Variants in PDGFB observed in about 807,000 individuals in gnomAD.
PDGFB encodes platelet-derived growth factor subunit B.
PDGFB carries 6 observed loss-of-function variants against 29.0 expected under a neutral mutation model. The observed-to-expected ratio is 0.21, with a 90% CI of 0.11 to 0.41. The LOEUF (loss-of-function observed/expected upper bound fraction) is 0.41, where lower values mean the gene tolerates loss of function less well. Ranked by LOEUF, PDGFB falls within the 10% of genes least tolerant of loss-of-function variation. The probability of loss-of-function intolerance (pLI) is 1.00; values close to 1 mark genes in which losing one functional copy is unlikely to be tolerated. For synonymous variants in PDGFB, 144 were observed against 140.8 expected, an observed-to-expected ratio of 1.02 and a Z score of -0.16; for missense variants, 299 against 341.8, an observed-to-expected ratio of 0.87 and a Z score of 0.99.
Position 39,243,274 on chromosome 22 carries a change from TTCTCTC to T in PDGFB, c.63+621_63+626del, listed in dbSNP as rs767228828. Among the ~76,000 whole-genome samples the T allele has an allele frequency of 0.016, 991 of 60,764 alleles. 8 individuals are homozygous for T. Among genetic ancestry groups the T allele is most frequent in the African/African-American group, 0.039 (963 of 24,760 alleles). 39.9% of individuals were successfully genotyped at this position (60,764 alleles called of 152,430 possible). On this transcript the variant is annotated intron_variant, in intron 1 of 6. Transcript: ENST00000331163. The surrounding 1 kb of genome is among the most constrained non-coding windows in gnomAD (Gnocchi z 6.4). ...TCCGTCTCTCTCTCTCTCTCTCTCT[TTCTCTC>T]TCTCTCTCTCTCTCTCCCTGTTACT...
intron 5 of PDGFB, among the ~76,000 whole-genome samples, chr22:39,227,071 G>A (rs1406663031): frequency 6.6e-6 from 1 of 152,262 alleles, no homozygotes; most frequent in African/African-American, 2.4e-5. Flanking sequence ...TGATTCTCCT[G>A]CCTCAGCCTC....
At position 39,223,701 on chromosome 22, in the gene PDGFB, GTTAT is replaced by G. The variant is rs1006685000; in HGVS notation, c.*1637_*1640del. The G allele has an allele frequency of 6.5e-6, 1 of 152,726 alleles. No homozygotes were observed. Among genetic ancestry groups the G allele is most frequent in the Non-Finnish European group, 1.5e-5 (1 of 68,040 alleles). 9.5% of individuals were successfully genotyped at this position (152,726 alleles called of 1,614,324 possible). A position where few individuals can be genotyped will look rare whatever the true frequency, so the allele number is the denominator to read the frequency against. ...CGGATTCATTTGGTTTTGTTTTGTGGTTATTTTTTTTTACAACTTTAAATACGGA... is the reference window on the plus strand; with the variant it reads ...CGGATTCATTTGGTTTTGTTTTGTGGTTTTTTTTACAACTTTAAATACGGA... On this transcript the variant is annotated 3_prime_UTR_variant, in exon 7 of 7. Transcript: ENST00000331163.
chr22:39,229,740 T>G (rs1412973983), intron 5 of PDGFB, among the ~76,000 whole-genome samples: 1 of 152,166 alleles, frequency 6.6e-6, no homozygotes, highest in Non-Finnish European at 1.5e-5. Context: ...GAGAAGGAGC[T>G]AGGCTTGTGG....
chr22:39,227,617 G>C (rs562436742), intron 5 of PDGFB, among the ~76,000 whole-genome samples: 1 of 152,294 alleles, frequency 6.6e-6, no homozygotes, highest in East Asian at 1.9e-4. Flanking sequence ...TGAACTCAGG[G>C]ATCTGCCTCT....
In PDGFB at chr22:39,243,434, C is replaced by T. The variant is rs963113593; in HGVS notation, c.63+467G>A. Among the ~76,000 whole-genome samples the T allele has an allele frequency of 2.0e-5, 3 of 152,104 alleles. No individual in the cohort carries two copies. The highest frequency in any genetic ancestry group is 4.4e-5 in the Non-Finnish European group (3 of 68,008). On this transcript the variant is annotated intron_variant, in intron 1 of 6. Transcript: ENST00000331163. This position sits in a 1 kb window ranked among gnomAD's most constrained non-coding sequence, Gnocchi z 6.4. ...GGGAGCCAGGGTGGGACCCGAGCCC[C>T]GTCAAAGGTCGGCGTGGATGGCACC...
Position 39,224,446 on chromosome 22 carries a change from G to A in PDGFB, c.*896C>T, listed in dbSNP as rs982480418. The A allele has an allele frequency of 6.5e-6, 1 of 152,690 alleles. No individual in the cohort carries two copies. The highest frequency in any genetic ancestry group is 6.5e-5 in the Admixed American group (1 of 15,270). 9.5% of individuals were successfully genotyped at this position (152,690 alleles called of 1,614,324 possible). Reference sequence around the variant, plus strand: ...GCCTCTAGTCTTCTGCCCTAGAGAGGAGTGACTGGGATCATCTGGGGCCTT... The same window carrying A: ...GCCTCTAGTCTTCTGCCCTAGAGAGAAGTGACTGGGATCATCTGGGGCCTT... On this transcript the variant is annotated 3_prime_UTR_variant, in exon 7 of 7. Coordinates refer to ENST00000331163, the MANE Select transcript of PDGFB (RefSeq NM_002608.4).
At position 39,244,531 on chromosome 22, in the gene PDGFB, G is replaced by A; in HGVS notation, c.-568C>T. 1 of 168,932 alleles carries A rather than the reference G, an allele frequency of 5.9e-6. No homozygotes were observed. The highest frequency in any genetic ancestry group is 1.3e-5 in the Non-Finnish European group (1 of 77,590). 10.5% of individuals were successfully genotyped at this position (168,932 alleles called of 1,614,324 possible). Reference sequence around the variant, plus strand: ...CTCGAGCACCCGGGCAGGGAGAGGTGCAAACTCCCGCCCGGGCCGGGTAGG... The same window carrying A: ...CTCGAGCACCCGGGCAGGGAGAGGTACAAACTCCCGCCCGGGCCGGGTAGG... On this transcript the variant is annotated 5_prime_UTR_variant, in exon 1 of 7. Transcript: ENST00000331163. This position sits in a 1 kb window ranked among gnomAD's most constrained non-coding sequence, Gnocchi z 4.5.
At chr22:39,240,885 G>A in intron 1 of PDGFB, 1 of 1,611,688 alleles carries the variant, frequency 6.2e-7, no homozygotes, top group South Asian at 1.1e-5. Flanking sequence ...CACCATTCCT[G>A]CTCAGTCAGT....
chr22:39,236,243 T>C (rs1298531603), intron 1 of PDGFB, among the ~76,000 whole-genome samples: 3 of 152,190 alleles, frequency 2.0e-5, no homozygotes, highest in African/African-American at 7.2e-5. Flanking sequence ...ACAGCCAGCA[T>C]CTCCCATGGC....
chr22:39,240,474 G>A (rs2146453633), intron 1 of PDGFB, among the ~76,000 whole-genome samples: 1 of 151,766 alleles, frequency 6.6e-6, no homozygotes, highest in South Asian at 2.1e-4. Flanking sequence ...TCCCAAGACA[G>A]AGGAGAGACA....
chr22:39,225,584 G>C (rs376341574), intron 6 of PDGFB, 111 bp downstream of exon 6: 2 of 1,101,702 alleles, frequency 1.8e-6, no homozygotes, highest in Non-Finnish European at 2.5e-6. Flanking sequence ...GGAGGACCAA[G>C]GCTCAGAGGC....
At chr22:39,240,156 G>A (rs1932533586) in intron 1 of PDGFB, among the ~76,000 whole-genome samples, 1 of 152,124 alleles carries the variant, frequency 6.6e-6, no homozygotes, top group South Asian at 2.1e-4. Flanking sequence ...CCTTCACGTG[G>A]GCCCAGAACC....
chr22:39,242,279 G>C lies in PDGFB; in HGVS notation c.63+1622C>G, dbSNP rs912848092. On this transcript the variant is annotated intron_variant, in intron 1 of 6. Transcript: ENST00000331163. This position sits in a 1 kb window ranked among gnomAD's most constrained non-coding sequence, Gnocchi z 5.7. ...CGGAGCGCAGCATCGCCTCCGGCCA[G>C]GAGTGTGCATGCGTGGGGTGAGTGA... 1.4e-5 allele frequency: 3 copies of C among 211,536 alleles called. No homozygotes were observed. Among genetic ancestry groups the C allele is most frequent in the African/African-American group, 6.8e-5 (3 of 44,144 alleles). The allele number at this position is 211,536 out of a possible 1,614,324, so 13.1% of individuals were successfully genotyped here. A position where few individuals can be genotyped will look rare whatever the true frequency, so the allele number is the denominator to read the frequency against.
intron 1 of PDGFB, among the ~76,000 whole-genome samples, chr22:39,238,764 C>A (rs1314176722): frequency 6.6e-6 from 1 of 152,260 alleles, no homozygotes; most frequent in African/African-American, 2.4e-5. Flanking sequence ...GCTCTTTACT[C>A]TGCAGCATGT....
chr22:39,240,722 C>T, intron 1 of PDGFB: 4 of 1,055,388 alleles, frequency 3.8e-6, no homozygotes, highest in Non-Finnish European at 4.4e-6. Flanking sequence ...GAGGAAAGCT[C>T]TCTAATGGGG....
Position 39,244,356 on chromosome 22 carries a change from C to G in PDGFB, c.-393G>C, listed in dbSNP as rs1453607236. Reference sequence around the variant, plus strand: ...CAGTCGATGGTTCGTCTTCACTCGCCGGCTACAGGCGTTTTCCTCTGCCCG... The same window carrying G: ...CAGTCGATGGTTCGTCTTCACTCGCGGGCTACAGGCGTTTTCCTCTGCCCG... On this transcript the variant is annotated 5_prime_UTR_variant, in exon 1 of 7. Coordinates refer to ENST00000331163, the MANE Select transcript of PDGFB (RefSeq NM_002608.4). This position sits in a 1 kb window ranked among gnomAD's most constrained non-coding sequence, Gnocchi z 4.5. 5.1e-6 allele frequency: 1 copy of G among 196,418 alleles called. No individual in the cohort carries two copies. The highest frequency in any genetic ancestry group is 6.1e-5 in the Admixed American group (1 of 16,354). 12.2% of individuals were successfully genotyped at this position (196,418 alleles called of 1,614,324 possible).
rs1320092990 is a variant in PDGFB at position 39,239,323 on chromosome 22, G to C, written c.64-3449C>G. Among the ~76,000 whole-genome samples, 4 of 152,224 alleles carry C rather than the reference G, an allele frequency of 2.6e-5. No homozygotes were observed. The East Asian group carries it at 7.7e-4, about 29-fold the overall frequency. On this transcript the variant is annotated intron_variant, in intron 1 of 6. Transcript: ENST00000331163. The stretch of plus-strand genomic sequence containing the variant: ...GTGACTTTGCATTATCCCTTGTGCT[G>C]GGCCACAGGAAATGGTACCCTACCT...
intron 1 of PDGFB, among the ~76,000 whole-genome samples, chr22:39,236,904 G>A (rs1420510101): frequency 6.6e-6 from 1 of 152,178 alleles, no homozygotes; most frequent in Non-Finnish European, 1.5e-5. Flanking sequence ...GCACGGTCTG[G>A]ACAGACAGTC....
chr22:39,239,880 G>C (rs1381886238), intron 1 of PDGFB, among the ~76,000 whole-genome samples: 1 of 151,950 alleles, frequency 6.6e-6, no homozygotes. Context: ...CACACTCCCC[G>C]GCCCGCCTGC....
Sources: allele counts gnomAD v4.1 joint callset (sites outside exome capture counted in the v4.1 genomes callset), GRCh38; gene constraint gnomAD v4.1.1; non-coding constraint Gnocchi (gnomAD v3.1); transcripts MANE v1.5; gene names NCBI Gene and HGNC (gene_info 2026-07-23, HGNC 2026-07-21).